The following PLCL1 variants were observed in gnomAD, a reference collection of about 807,000 sequenced individuals.
The protein encoded by PLCL1 is phospholipase C like 1 (inactive), also known as inactive phospholipase C-like protein 1.
Under a neutral mutation model 84.4 loss-of-function variants are expected in PLCL1, and 41 were observed. The ratio of observed to expected loss-of-function variants is 0.49; its 90% CI spans 0.38 to 0.63. The LOEUF (loss-of-function observed/expected upper bound fraction) is 0.63. Among genes scored for constraint, PLCL1 ranks in the 30% least tolerant of loss-of-function variants. The pLI is 0.00. For synonymous variants in PLCL1, 490 were observed against 488.3 expected (o/e 1.00, Z -0.05); for missense variants, 1,206 against 1,367.8 (o/e 0.88, Z 1.87).
chr2:198,067,543 A>G (rs1692351131), intron 1 of PLCL1, among the ~76,000 whole-genome samples: 1 of 152,226 alleles, frequency 6.6e-6, no homozygotes. Context: ...GAAAATATCA[A>G]TAATGGTAAA....
chr2:198,062,131 A>T (rs1423159435), intron 1 of PLCL1, among the ~76,000 whole-genome samples: 1 of 152,210 alleles, frequency 6.6e-6, no homozygotes, highest in East Asian at 1.9e-4. Context: ...ATTCCAGGAA[A>T]TAAAGTGAAA....
intron 1 of PLCL1, among the ~76,000 whole-genome samples, chr2:198,059,221 C>T (rs1457343504): frequency 6.6e-6 from 1 of 152,114 alleles, no homozygotes; most frequent in Non-Finnish European, 1.5e-5. Context: ...ATGTGTATAC[C>T]TATGAAAAGG....
In PLCL1 at chr2:197,805,903, C is replaced by A. The variant is rs1301683704; in HGVS notation, c.240+564C>A. Reference sequence around the variant, plus strand: ...GTTTTTGCGCTGCAGAAAGCACAACCGGAAAGCAATCAATCCCCCAAGCAT... The same window carrying A: ...GTTTTTGCGCTGCAGAAAGCACAACAGGAAAGCAATCAATCCCCCAAGCAT... On this transcript the variant is annotated intron_variant, in intron 1 of 5. Transcript: ENST00000428675. This position sits in a 1 kb window ranked among gnomAD's most constrained non-coding sequence, Gnocchi z 4.0. Among the ~76,000 whole-genome samples, 2 of 152,198 alleles carry A rather than the reference C, an allele frequency of 1.3e-5. No individual in the cohort carries two copies. The highest frequency in any genetic ancestry group is 4.8e-5 in the African/African-American group (2 of 41,448).
intron 1 of PLCL1, among the ~76,000 whole-genome samples, chr2:197,911,601 C>G (rs1053206404): frequency 3.9e-5 from 6 of 152,116 alleles, no homozygotes; most frequent in Non-Finnish European, 7.4e-5. Flanking sequence ...ATGAATTAGG[C>G]CAGGATTTGG....
chr2:197,972,678 G>A (rs920088669), intron 1 of PLCL1, among the ~76,000 whole-genome samples: 8 of 152,102 alleles, frequency 5.3e-5, no homozygotes, highest in African/African-American at 1.9e-4. Flanking sequence ...CTAATCTGGA[G>A]GGTTTAGATG....
chr2:197,877,205 C>T (rs75008294), intron 1 of PLCL1, among the ~76,000 whole-genome samples: 2,224 of 152,170 alleles, frequency 0.015, 62 homozygotes, highest in African/African-American at 0.051. Flanking sequence ...AGGTGGTTCT[C>T]TAAAATATTT....
intron 3 of PLCL1, among the ~76,000 whole-genome samples, chr2:198,094,623 C>T (rs555646894): frequency 6.6e-6 from 1 of 152,082 alleles, no homozygotes; most frequent in Non-Finnish European, 1.5e-5. Flanking sequence ...TTTTAAAATG[C>T]AGCAACATCC....
chr2:197,816,356 A>G (rs1242921241), intron 1 of PLCL1, among the ~76,000 whole-genome samples: 1 of 152,170 alleles, frequency 6.6e-6, no homozygotes, highest in Admixed American at 6.5e-5. Context: ...TTTTAGATGT[A>G]ATGCTATAGC....
chr2:197,817,977 C>A (rs79051975), intron 1 of PLCL1, among the ~76,000 whole-genome samples: 3,003 of 151,990 alleles, frequency 0.02, 98 homozygotes, highest in African/African-American at 0.067. Context: ...ATCGTTGGAC[C>A]CAAAGCTCTT....
At chr2:197,808,247 A>G (rs1690520279) in intron 1 of PLCL1, among the ~76,000 whole-genome samples, 1 of 152,338 alleles carries the variant, frequency 6.6e-6, no homozygotes, top group African/African-American at 2.4e-5. Flanking sequence ...ATACCACAAT[A>G]ATGCAATAGA....
intron 1 of PLCL1, among the ~76,000 whole-genome samples, chr2:197,880,812 C>T (rs1438646167): frequency 2.0e-5 from 3 of 152,190 alleles, no homozygotes; most frequent in Non-Finnish European, 4.4e-5. Flanking sequence ...CAAAAGCAAA[C>T]ATTTACCAAT....
intron 1 of PLCL1, among the ~76,000 whole-genome samples, chr2:198,021,045 A>G (rs2105839533): frequency 6.6e-6 from 1 of 152,314 alleles, no homozygotes; most frequent in African/African-American, 2.4e-5. Flanking sequence ...CATAACAAAC[A>G]GTCTCTCAGA....
At chr2:197,833,941 CA>C (rs1358071779) in intron 1 of PLCL1, among the ~76,000 whole-genome samples, 1 of 152,178 alleles carries the variant, frequency 6.6e-6, no homozygotes, top group Non-Finnish European at 1.5e-5. Flanking sequence ...GTAACCAAAA[CA>C]GCATGGTACT....
intron 1 of PLCL1, among the ~76,000 whole-genome samples, chr2:197,912,099 G>A (rs1688494282): frequency 1.3e-5 from 2 of 152,218 alleles, no homozygotes; most frequent in African/African-American, 2.4e-5. Flanking sequence ...GCTATCACAC[G>A]AGGTGATGGC....
At chr2:197,823,683 G>A (rs1690864166) in intron 1 of PLCL1, among the ~76,000 whole-genome samples, 1 of 152,110 alleles carries the variant, frequency 6.6e-6, no homozygotes, top group African/African-American at 2.4e-5. Flanking sequence ...CTTTCTGGTA[G>A]ATGGGGCAGT....
chr2:198,078,052 A>AG (rs1192755472), intron 1 of PLCL1, among the ~76,000 whole-genome samples: 1 of 152,138 alleles, frequency 6.6e-6, no homozygotes, highest in East Asian at 1.9e-4. Context: ...TTAGGAATCT[A>AG]GCTCAGGCCA....
chr2:197,975,897 A>T (rs1320318248), intron 1 of PLCL1, among the ~76,000 whole-genome samples: 1 of 152,124 alleles, frequency 6.6e-6, no homozygotes, highest in Non-Finnish European at 1.5e-5. Context: ...CCCGCCTCTT[A>T]CGCCTCTGGT....
chr2:197,903,170 T>G (rs1688300689), intron 1 of PLCL1, among the ~76,000 whole-genome samples: 2 of 152,120 alleles, frequency 1.3e-5, no homozygotes, highest in Admixed American at 6.6e-5. Context: ...GAACCTTTCT[T>G]AAGGATCATA....
At chr2:198,116,429 T>G (rs928130390) in intron 5 of PLCL1, among the ~76,000 whole-genome samples, 8 of 151,922 alleles carry the variant, frequency 5.3e-5, no homozygotes, top group Non-Finnish European at 1.0e-4. Context: ...TATCTATGAA[T>G]GCAGGATAAT....
Sources: gnomAD v4.1 joint callset for allele counts (sites outside exome capture counted in the v4.1 genomes callset) on GRCh38, gnomAD v4.1.1 for gene constraint, Gnocchi (gnomAD v3.1) non-coding constraint, MANE v1.5 for transcripts, NCBI Gene and HGNC (gene_info 2026-07-23, HGNC 2026-07-21) for gene names.